The following ZSCAN5A variants were observed in gnomAD, a reference collection of about 807,000 sequenced individuals.
ZSCAN5A encodes zinc finger and SCAN domain containing 5A.
A neutral mutation model predicts 23.7 loss-of-function variants in ZSCAN5A; 12 were observed. That is an observed-to-expected ratio of 0.51 (90% CI 0.32 to 0.82). ZSCAN5A has a LOEUF of 0.82. Ranked by LOEUF, ZSCAN5A falls within the 40% of genes least tolerant of loss-of-function variation. ZSCAN5A has a pLI of 0.03. For synonymous variants in ZSCAN5A, 257 were observed against 239.9 expected, an observed-to-expected ratio of 1.07 and a Z score of -0.66; for missense variants, 597 against 617.9, an observed-to-expected ratio of 0.97 and a Z score of 0.36.
chr19:56,345,121 A>G (rs951735727), intron 2 of ZSCAN5A, among the ~76,000 whole-genome samples: 2 of 151,966 alleles, frequency 1.3e-5, no homozygotes, highest in Non-Finnish European at 2.9e-5. Flanking sequence ...AAAAAATGCA[A>G]ACAAAAATGT....
chr19:56,252,685 A>G (rs553824021), intron 2 of ZSCAN5A, among the ~76,000 whole-genome samples: 2 of 152,308 alleles, frequency 1.3e-5, no homozygotes, highest in African/African-American at 4.8e-5. Context: ...ACTTTTAATA[A>G]TCCCAAGGAA....
chr19:56,351,017 C>T lies in ZSCAN5A; in HGVS notation c.-358+12218G>A, dbSNP rs2041664408. Among the ~76,000 whole-genome samples the T allele has an allele frequency of 1.3e-5, 2 of 151,930 alleles. No individual in the cohort carries two copies. Among genetic ancestry groups the T allele is most frequent in the South Asian group, 4.2e-4 (2 of 4,806 alleles). On this transcript the variant is annotated intron_variant, in intron 2 of 6. Transcript: ENST00000587340. The surrounding 1 kb of genome is among the most constrained non-coding windows in gnomAD (Gnocchi z 4.8). ...CCCCCCCCAACCACACGCCCCTTTTCAGCAGACAGTACCCAGAAAGAATCA... is the reference window on the plus strand; with the variant it reads ...CCCCCCCCAACCACACGCCCCTTTTTAGCAGACAGTACCCAGAAAGAATCA...
chr19:56,322,659 G>A lies in ZSCAN5A; in HGVS notation c.-357-6391C>T, dbSNP rs150049869. Among the ~76,000 whole-genome samples, 488 of 152,140 alleles carry A rather than the reference G, an allele frequency of 3.2e-3. 5 individuals are homozygous for A. Among genetic ancestry groups the A allele is most frequent in the African/African-American group, 0.011 (472 of 41,490 alleles). Reference sequence around the variant, plus strand: ...TATCTATAGATACAGACATGTAGTCGCCTCTCAGTATGTCTGTAGGGGATT... The same window carrying A: ...TATCTATAGATACAGACATGTAGTCACCTCTCAGTATGTCTGTAGGGGATT... On this transcript the variant is annotated intron_variant, in intron 2 of 6. Transcript: ENST00000587340.
chr19:56,329,193 A>C (rs1256044012), intron 2 of ZSCAN5A, among the ~76,000 whole-genome samples: 1 of 151,976 alleles, frequency 6.6e-6, no homozygotes, highest in Non-Finnish European at 1.5e-5. Context: ...TACTAAAAAT[A>C]CAAAAATTAG....
At chr19:56,303,614 G>T (rs982688590) in intron 2 of ZSCAN5A, among the ~76,000 whole-genome samples, 1 of 152,086 alleles carries the variant, frequency 6.6e-6, no homozygotes, top group Non-Finnish European at 1.5e-5. Context: ...AAATATTCAC[G>T]TGTGTAGAGG....
intron 2 of ZSCAN5A, among the ~76,000 whole-genome samples, chr19:56,254,395 T>C (rs181509935): frequency 3.3e-5 from 5 of 152,330 alleles, no homozygotes; most frequent in Admixed American, 3.3e-4. Flanking sequence ...TATATTATTT[T>C]TTCTGGTGTC....
chr19:56,283,085 G>C (rs1231474513), intron 2 of ZSCAN5A: 1 of 152,172 alleles, frequency 6.6e-6, no homozygotes, highest in African/African-American at 2.4e-5. Context: ...GGCAATCTTA[G>C]AGAAGTCACT....
At chr19:56,362,122 C>G (rs930597286) in intron 2 of ZSCAN5A, among the ~76,000 whole-genome samples, 1 of 143,964 alleles carries the variant, frequency 6.9e-6, no homozygotes, top group Non-Finnish European at 1.5e-5. Flanking sequence ...TGTGCCACTG[C>G]ACTCTAGCCT....
At chr19:56,338,876 C>T (rs2041565662) in intron 2 of ZSCAN5A, among the ~76,000 whole-genome samples, 1 of 152,226 alleles carries the variant, frequency 6.6e-6, no homozygotes, top group South Asian at 2.1e-4. Flanking sequence ...GCAGAAGACA[C>T]AGCCACTGTG....
intron 2 of ZSCAN5A, among the ~76,000 whole-genome samples, chr19:56,282,133 C>G (rs1276635355): frequency 6.6e-6 from 1 of 152,082 alleles, no homozygotes; most frequent in South Asian, 2.1e-4. Context: ...AGACGTCTTC[C>G]TTTCCCAGAA....
intron 2 of ZSCAN5A, among the ~76,000 whole-genome samples, chr19:56,338,077 A>G (rs532398249): frequency 6.6e-6 from 1 of 152,302 alleles, no homozygotes; most frequent in African/African-American, 2.4e-5. Context: ...TGACAACTCA[A>G]TACCTTCCAA....
At chr19:56,280,885 G>A (rs940562707) in intron 2 of ZSCAN5A, among the ~76,000 whole-genome samples, 1 of 152,034 alleles carries the variant, frequency 6.6e-6, no homozygotes, top group East Asian at 1.9e-4. Flanking sequence ...TGCTGTTTGG[G>A]GTACACACTC....
At chr19:56,331,142 G>T (rs1056575608) in intron 2 of ZSCAN5A, among the ~76,000 whole-genome samples, 2 of 152,088 alleles carry the variant, frequency 1.3e-5, no homozygotes, top group African/African-American at 4.8e-5. Context: ...TCTGGGTTCT[G>T]TTTTTTGTTC....
At chr19:56,254,403 G>A (rs2036559921) in intron 2 of ZSCAN5A, among the ~76,000 whole-genome samples, 1 of 152,074 alleles carries the variant, frequency 6.6e-6, no homozygotes, top group African/African-American at 2.4e-5. Context: ...TTTTTCTGGT[G>A]TCAAATGAGG....
At chr19:56,281,766 TGAAA>T (rs1568689761) in intron 2 of ZSCAN5A, 27 of 949,230 alleles carry the variant, frequency 2.8e-5, no homozygotes, top group Non-Finnish European at 3.4e-5. Context: ...AGGAAGGGAA[TGAAA>T]GAGAGAGGCA....
chr19:56,302,346 C>G (rs1452292305), intron 2 of ZSCAN5A, among the ~76,000 whole-genome samples: 1 of 145,228 alleles, frequency 6.9e-6, no homozygotes, highest in East Asian at 2.2e-4. Context: ...TCCCTTTCCT[C>G]TTCCTTTTTT....
At chr19:56,302,171 AG>A in intron 2 of ZSCAN5A, 1 of 1,121,844 alleles carries the variant, frequency 8.9e-7, no homozygotes, top group Non-Finnish European at 1.1e-6. Flanking sequence ...GCACAGAGGA[AG>A]CGAAGGAGGG....
chr19:56,275,398 A>G (rs575799387), intron 2 of ZSCAN5A, among the ~76,000 whole-genome samples: 1 of 152,184 alleles, frequency 6.6e-6, no homozygotes, highest in South Asian at 2.1e-4. Flanking sequence ...TTATTTATTC[A>G]AGTACTGTAT....
chr19:56,225,850 C>G lies in ZSCAN5A; in HGVS notation c.-127-677G>C, dbSNP rs138024231. ...AACCCCATCCCCATCAGTGATCACC[C>G]CCTGCCCACCCACCCCAGCCCCTAG... On this transcript the variant is annotated intron_variant, in intron 2 of 5. Transcript: ENST00000683990. 3.8e-3 allele frequency among the ~76,000 whole-genome samples: 580 copies of G among 151,420 alleles called. 3 individuals are homozygous for G. Among genetic ancestry groups the G allele is most frequent in the African/African-American group, 0.013 (555 of 41,154 alleles).
Sources: gnomAD v4.1 joint callset for allele counts (sites outside exome capture counted in the v4.1 genomes callset) on GRCh38, gnomAD v4.1.1 for gene constraint, Gnocchi (gnomAD v3.1) non-coding constraint, MANE v1.5 for transcripts, NCBI Gene and HGNC (gene_info 2026-07-23, HGNC 2026-07-21) for gene names.